The following C14orf39 variants were observed in gnomAD, a reference collection of about 807,000 sequenced individuals.
C14orf39 encodes chromosome 14 open reading frame 39.
In C14orf39, 66 loss-of-function variants were observed where a neutral mutation model predicts 85.6. That is an observed-to-expected ratio of 0.77 (90% confidence interval 0.63 to 0.95). The LOEUF is 0.95. C14orf39 is among the 40% of genes least tolerant of loss of function. The pLI is 0.00. For synonymous variants in C14orf39, 242 were observed against 214.0 expected, an observed-to-expected ratio of 1.13 and a Z score of -1.14; for missense variants, 735 against 663.9, an observed-to-expected ratio of 1.11 and a Z score of -1.18.
chr14:60,501,215 G>A (rs1301466478), intron 1 of C14orf39, among the ~76,000 whole-genome samples: 3 of 150,380 alleles, frequency 2.0e-5, no homozygotes, highest in Non-Finnish European at 4.4e-5. Context: ...GCTGAGGTGT[G>A]AGGATGGCTT....
chr14:60,451,677 G>A lies in C14orf39; in HGVS notation c.1503+3324C>T, dbSNP rs184101511. On this transcript the variant is annotated intron_variant, in intron 16 of 17. Coordinates refer to ENST00000321731, the MANE Select transcript of C14orf39 (RefSeq NM_174978.3). ...ACAGGATGGTGAACATCACACACCA[G>A]GGCCCGTCATGGGGTAGGGGGTGGG... Among the ~76,000 whole-genome samples, 10 of 141,218 alleles carry A rather than the reference G, an allele frequency of 7.1e-5. No homozygotes were observed. In the East Asian group the frequency reaches 2.3e-3, roughly 32 times the overall value. 92.6% of individuals were successfully genotyped at this position (141,218 alleles called of 152,430 possible). A position where few individuals can be genotyped will look rare whatever the true frequency, so the allele number is the denominator to read the frequency against.
chr14:60,480,352 G>A (rs1436527900), intron 4 of C14orf39, among the ~76,000 whole-genome samples: 1 of 152,172 alleles, frequency 6.6e-6, no homozygotes, highest in African/African-American at 2.4e-5. Flanking sequence ...AACCCAGGAG[G>A]TGGAGGGAGG....
intron 1 of C14orf39, among the ~76,000 whole-genome samples, chr14:60,503,162 C>T (rs1313653478): frequency 4.6e-5 from 7 of 152,194 alleles, no homozygotes; most frequent in Non-Finnish European, 1.0e-4. Context: ...TGCCAATACA[C>T]AGTGTGCTGA....
intron 1 of C14orf39, among the ~76,000 whole-genome samples, chr14:60,514,856 T>A (rs1893341121): frequency 6.6e-6 from 1 of 152,176 alleles, no homozygotes; most frequent in Non-Finnish European, 1.5e-5. Context: ...GCTCCTTTTG[T>A]GAGGCGGAGC....
intron 15 of C14orf39, among the ~76,000 whole-genome samples, chr14:60,455,637 AT>A (rs1372568900): frequency 6.6e-6 from 1 of 152,106 alleles, no homozygotes; most frequent in Non-Finnish European, 1.5e-5. Flanking sequence ...GGGAAAAATA[AT>A]TAGACAAGAC....
intron 9 of C14orf39, among the ~76,000 whole-genome samples, chr14:60,467,989 C>T (rs1434790617): frequency 1.3e-5 from 2 of 150,824 alleles, no homozygotes; most frequent in Non-Finnish European, 3.0e-5. Flanking sequence ...GCCATTAAAA[C>T]AAAAGACAAG....
chr14:60,509,357 C>T, intron 1 of C14orf39: 1 of 1,559,198 alleles, frequency 6.4e-7, no homozygotes, highest in African/African-American at 1.3e-5. Flanking sequence ...CTGCGTGTCC[C>T]GCTCCGGGCT....
rs1891275289 is a variant in C14orf39 at position 60,456,313 on chromosome 14, A to G, written c.1358+604T>C. Reference sequence around the variant, plus strand: ...TTTATGCCTAAAGAGCTTGCTTAATAAAAATGGCAAGTCTTGCTTCAGACA... The same window carrying G: ...TTTATGCCTAAAGAGCTTGCTTAATGAAAATGGCAAGTCTTGCTTCAGACA... On this transcript the variant is annotated intron_variant, in intron 15 of 17. Coordinates refer to ENST00000321731, the MANE Select transcript of C14orf39 (RefSeq NM_174978.3). Among the ~76,000 whole-genome samples, 3 of 152,226 alleles carry G rather than the reference A, an allele frequency of 2.0e-5. No individual in the cohort carries two copies. In the South Asian group the frequency reaches 6.2e-4, roughly 32 times the overall value.
upstream of C14orf39, among the ~76,000 whole-genome samples, chr14:60,488,072 G>T (rs1892932392): frequency 1.3e-5 from 2 of 152,064 alleles, no homozygotes; most frequent in Admixed American, 1.3e-4. Context: ...ACATAGGAAA[G>T]CAAATATAAA....
chr14:60,471,885 TTTCC>T (rs1238211153), intron 5 of C14orf39, 146 bp from the exon 6 acceptor site: 1 of 530,542 alleles, frequency 1.9e-6, no homozygotes, highest in Non-Finnish European at 3.3e-6. Context: ...CCCTTTAGAC[TTTCC>T]TTAACTCCAC....
intron 1 of C14orf39, chr14:60,511,401 C>A: frequency 2.1e-6 from 2 of 954,370 alleles, no homozygotes; most frequent in Non-Finnish European, 3.3e-6. Flanking sequence ...CCGTTTCCCG[C>A]CCCACCCCGC....
rs1357471313 is a variant in C14orf39, at chr14:60,515,154, C to G, written c.-144+241G>C. ...CGGCTACCCCCGTGCCCGGCGCCGC[C>G]GACGGGAAGGCAGCGGCGGGGAGGC... On this transcript the variant is annotated intron_variant, in intron 1 of 5. Coordinates refer to the C14orf39 transcript ENST00000556799. This position sits in a 1 kb window ranked among gnomAD's most constrained non-coding sequence, Gnocchi z 6.2. 6.6e-6 allele frequency: 1 copy of G among 151,948 alleles called. No individual in the cohort carries two copies. The highest frequency in any genetic ancestry group is 1.5e-5 in the Non-Finnish European group (1 of 67,972). The allele number at this position is 151,948 out of a possible 1,614,324, so 9.4% of individuals were successfully genotyped here. A position where few individuals can be genotyped will look rare whatever the true frequency, so the allele number is the denominator to read the frequency against.
intron 1 of C14orf39, 112 bp downstream of exon 1, chr14:60,485,833 G>C (rs1488622940): frequency 1.3e-5 from 2 of 152,154 alleles, no homozygotes; most frequent in African/African-American, 4.8e-5. Flanking sequence ...AGGCGACTCC[G>C]GTCGCTCTGA....
chr14:60,503,420 G>C (rs973726993), intron 1 of C14orf39, among the ~76,000 whole-genome samples: 3 of 152,136 alleles, frequency 2.0e-5, no homozygotes, highest in Non-Finnish European at 2.9e-5. Flanking sequence ...ACCACTATTT[G>C]TGTGTGATAC....
intron 2 of C14orf39, chr14:60,495,667 G>A (rs1485831619): frequency 4.5e-5 from 9 of 201,876 alleles, no homozygotes; most frequent in Non-Finnish European, 9.2e-5. Context: ...CCTTGGTGGT[G>A]AAGCCATGAC....
chr14:60,437,170 T>C, intron 17 of C14orf39, 123 bp from the exon 18 acceptor site: 1 of 650,824 alleles, frequency 1.5e-6, no homozygotes, highest in Non-Finnish European at 2.6e-6. Context: ...TACACAGGAA[T>C]ACAGGTATTT....
intron 9 of C14orf39, among the ~76,000 whole-genome samples, chr14:60,467,957 T>C (rs533365105): frequency 2.6e-4 from 39 of 151,672 alleles, no homozygotes; most frequent in Non-Finnish European, 5.0e-4. Context: ...TTTTGGCCTC[T>C]ATCACTGATC....
chr14:60,447,725 C>T (rs933268360), intron 16 of C14orf39, among the ~76,000 whole-genome samples: 2 of 152,076 alleles, frequency 1.3e-5, no homozygotes, highest in Non-Finnish European at 1.5e-5. Context: ...AAAAAAAGCC[C>T]GCATAGCCAA....
At chr14:60,509,598 A>G in intron 1 of C14orf39, 1 of 1,613,410 alleles carries the variant, frequency 6.2e-7, no homozygotes. Context: ...GGTGGCAACT[A>G]CCGCGAGCTC....
Sources: gnomAD v4.1 joint callset for allele counts (sites outside exome capture counted in the v4.1 genomes callset) on GRCh38, gnomAD v4.1.1 for gene constraint, Gnocchi (gnomAD v3.1) non-coding constraint, MANE v1.5 for transcripts, NCBI Gene and HGNC (gene_info 2026-07-23, HGNC 2026-07-21) for gene names.